The following BCOR variants were observed in gnomAD, a reference collection of about 807,000 sequenced individuals.
BCOR encodes the protein BCL6 corepressor, also known as BCL-6 corepressor.
Under a neutral mutation model 86.7 loss-of-function variants are expected in BCOR, and 10 were observed. The observed-to-expected ratio is 0.12, with a 90% confidence interval of 0.07 to 0.20. The LOEUF (loss-of-function observed/expected upper bound fraction) is 0.20, where lower values mean the gene tolerates loss of function less well. Among genes scored for constraint, BCOR ranks in the 10% least tolerant of loss-of-function variants. The pLI is 1.00. For synonymous variants in BCOR, 611 were observed against 609.0 expected, an observed-to-expected ratio of 1.00 and a Z score of -0.05; for missense variants, 1,259 against 1,452.1, an observed-to-expected ratio of 0.87 and a Z score of 2.16.
chrX:40,131,557 G>T (rs1937601845), intron 1 of BCOR, among the ~76,000 whole-genome samples: 1 of 112,085 alleles, frequency 8.9e-6, no homozygotes, highest in African/African-American at 3.2e-5. Flanking sequence ...TGAGGCAGGA[G>T]AATCGCTTGA....
intron 1 of BCOR, among the ~76,000 whole-genome samples, chrX:40,124,496 C>T (rs1442982374): frequency 9.0e-6 from 1 of 111,166 alleles, no homozygotes; most frequent in African/African-American, 3.3e-5. Context: ...CTCCTGGGCT[C>T]GAGTGATCCG....
chrX:40,141,454 T>G (rs1235039429), intron 1 of BCOR, among the ~76,000 whole-genome samples: 1 of 112,590 alleles, frequency 8.9e-6, no homozygotes, highest in Non-Finnish European at 1.9e-5. Flanking sequence ...GCACCTGTGA[T>G]CACACTGAGA....
intron 1 of BCOR, among the ~76,000 whole-genome samples, chrX:40,175,188 C>G (rs773025977): frequency 8.9e-6 from 1 of 112,986 alleles, no homozygotes; most frequent in Non-Finnish European, 1.9e-5. Flanking sequence ...GGCTCTCCTC[C>G]GAGGGGCTCA....
chrX:40,080,085 G>A (rs189730714), intron 1 of BCOR, among the ~76,000 whole-genome samples: 12 of 83,937 alleles, frequency 1.4e-4, no homozygotes, highest in African/African-American at 4.2e-4. Flanking sequence ...GGGAAGAAGC[G>A]TGTGCCTAAT....
At chrX:40,075,436 C>A (rs1028226894) in intron 3 of BCOR, among the ~76,000 whole-genome samples, 1 of 111,512 alleles carries the variant, frequency 9.0e-6, no homozygotes, top group African/African-American at 3.3e-5. Context: ...GACTTGAGGC[C>A]CATATATTAA....
At chrX:40,156,329 C>G (rs960737755) in intron 1 of BCOR, among the ~76,000 whole-genome samples, 4 of 111,403 alleles carry the variant, frequency 3.6e-5, no homozygotes, top group Non-Finnish European at 5.7e-5. Context: ...GGGTCAGGAG[C>G]CCGTGCAGCT....
Position 40,057,277 on chromosome X carries a change from A to G in BCOR, c.4473T>C (p.Asn1491=), listed in dbSNP as rs375344311. ...YCLENKICDV[N]HRDNAGYCAL... ...CGCAGTAACCTGCGTTGTCCCGATGATTTACATCACAAATCTTGTTCTCTA... is the reference window on the plus strand; with the variant it reads ...CGCAGTAACCTGCGTTGTCCCGATGGTTTACATCACAAATCTTGTTCTCTA... The change falls in exon 11 of 15, where the codon AAT becomes AAC. Residue 1491 remains asparagine, a synonymous_variant. Coordinates refer to ENST00000378444, the MANE Select transcript of BCOR (RefSeq NM_001123385.2). 1 of 1,210,613 alleles carries G rather than the reference A, an allele frequency of 8.3e-7. No individual in the cohort carries two copies. Among genetic ancestry groups the G allele is most frequent in the African/African-American group, 1.7e-5 (1 of 57,389 alleles).
chrX:40,124,227 A>AT (rs1353440580), intron 1 of BCOR, among the ~76,000 whole-genome samples: 2 of 110,938 alleles, frequency 1.8e-5, no homozygotes, highest in Admixed American at 9.6e-5. Context: ...TGAGGTCAAG[A>AT]GTTCACAACC....
upstream of BCOR, among the ~76,000 whole-genome samples, chrX:40,098,029 C>T (rs1412416556): frequency 1.1e-5 from 1 of 91,776 alleles, no homozygotes; most frequent in African/African-American, 4.1e-5. Flanking sequence ...CCCCTCCCTC[C>T]GCCCGTCCTC....
intron 2 of BCOR, chrX:40,076,805 C>T (rs1935827775): frequency 3.0e-6 from 1 of 331,668 alleles, no homozygotes; most frequent in East Asian, 7.5e-5. Context: ...AGAAATTAAG[C>T]ACAACTACTT....
intron 8 of BCOR, 39 bp from the exon 9 acceptor site, chrX:40,063,110 G>GGGGGGC: frequency 4.7e-6 from 3 of 644,550 alleles, no homozygotes; most frequent in East Asian, 1.1e-4. Context: ...GGGCGGATGG[G>GGGGGGC]AGACGGGAGA....
intron 1 of BCOR, among the ~76,000 whole-genome samples, chrX:40,123,748 C>T (rs190768331): frequency 9.0e-6 from 1 of 110,797 alleles, no homozygotes; most frequent in Non-Finnish European, 1.9e-5. Context: ...AGTGCAAGAG[C>T]ACAGACTGGG....
intron 3 of BCOR, among the ~76,000 whole-genome samples, chrX:40,075,871 C>T (rs1269994468): frequency 8.9e-6 from 1 of 112,484 alleles, no homozygotes; most frequent in African/African-American, 3.2e-5. Flanking sequence ...CAGCATCACC[C>T]TCATGGGGTA....
At chrX:40,166,787 G>C (rs1938514938) in intron 1 of BCOR, among the ~76,000 whole-genome samples, 1 of 112,271 alleles carries the variant, frequency 8.9e-6, no homozygotes, top group African/African-American at 3.2e-5. Context: ...CGGTCTCTGG[G>C]GGGTTGGACC....
chrX:40,150,837 C>T (rs1938152273), intron 1 of BCOR, among the ~76,000 whole-genome samples: 1 of 112,481 alleles, frequency 8.9e-6, no homozygotes, highest in Non-Finnish European at 1.9e-5. Context: ...TGCTGGAGAC[C>T]AGGAACTGCT....
chrX:40,070,901 G>A, intron 6 of BCOR, 72 bp downstream of exon 6: 5 of 1,041,961 alleles, frequency 4.8e-6, no homozygotes, highest in Non-Finnish European at 6.7e-6. Flanking sequence ...CATGGCAAAA[G>A]CAGCCCATTT....
chrX:40,173,055 G>A (rs1437687535), intron 1 of BCOR, among the ~76,000 whole-genome samples: 1 of 112,515 alleles, frequency 8.9e-6, no homozygotes, highest in African/African-American at 3.2e-5. Flanking sequence ...GCAAAATAAA[G>A]GCCAAATGTT....
intron 1 of BCOR, among the ~76,000 whole-genome samples, chrX:40,143,287 C>G (rs920898230): frequency 1.8e-5 from 2 of 112,315 alleles, no homozygotes; most frequent in African/African-American, 6.5e-5. Context: ...TGCCGCCTTT[C>G]CCTCTCTCTT....
intron 11 of BCOR, among the ~76,000 whole-genome samples, chrX:40,056,880 A>C (rs914912386): frequency 8.9e-6 from 1 of 112,232 alleles, no homozygotes; most frequent in Non-Finnish European, 1.9e-5. Flanking sequence ...GGGTCTTAAA[A>C]GGCAACACCC....
Sources: allele counts gnomAD v4.1 joint callset (sites outside exome capture counted in the v4.1 genomes callset), GRCh38; gene constraint gnomAD v4.1.1; transcripts MANE v1.5; gene names NCBI Gene and HGNC (gene_info 2026-07-23, HGNC 2026-07-21).